The following ADRA1A variants were observed in gnomAD, a reference collection of about 807,000 sequenced individuals.
ADRA1A encodes the protein adrenoceptor alpha 1A, also known as alpha-1A adrenergic receptor.
In ADRA1A, 31 loss-of-function variants were observed where a neutral mutation model predicts 29.6. The ratio of observed to expected loss-of-function variants is 1.05; its 90% CI spans 0.79 to 1.41. ADRA1A has a LOEUF of 1.41. Among genes scored for constraint, ADRA1A ranks in the 40% most tolerant of loss-of-function variants. The probability of loss-of-function intolerance (pLI) is 0.00; values close to 1 mark genes in which losing one functional copy is unlikely to be tolerated. For missense variants in ADRA1A, 619 were observed against 601.1 expected, an observed-to-expected ratio of 1.03 and a Z score of -0.31; for synonymous variants, 311 against 254.3, an observed-to-expected ratio of 1.22 and a Z score of -2.12.
chr8:26,778,821 C>T (rs1806738393), intron 2 of ADRA1A, among the ~76,000 whole-genome samples: 2 of 151,440 alleles, frequency 1.3e-5, no homozygotes, highest in South Asian at 4.2e-4. Context: ...GGAAGGATAG[C>T]ATTAGGAGAT....
rs150410069 is a variant in ADRA1A, at chr8:26,784,522, T to C, written c.884-13856A>G. Among the ~76,000 whole-genome samples the C allele has an allele frequency of 7.1e-4, 108 of 152,188 alleles. 1 individual carries two copies. In the East Asian group the frequency reaches 0.019, roughly 26 times the overall value. On this transcript the variant is annotated intron_variant, in intron 2 of 2. Coordinates refer to ENST00000380573, the MANE Select transcript of ADRA1A (RefSeq NM_000680.4). Reference sequence around the variant, plus strand: ...TTTTACTCAACTGTAGTTATCAATTTCTCTCTCTCTCACTCACAGAAAAAT... The same window carrying C: ...TTTTACTCAACTGTAGTTATCAATTCCTCTCTCTCTCACTCACAGAAAAAT...
At chr8:26,818,216 G>T (rs1809899710) in intron 2 of ADRA1A, among the ~76,000 whole-genome samples, 3 of 152,188 alleles carry the variant, frequency 2.0e-5, no homozygotes, top group African/African-American at 7.2e-5. Context: ...ATTTCTGTGG[G>T]TAATAGAACT....
At chr8:26,839,283 T>TA in intron 2 of ADRA1A, among the ~76,000 whole-genome samples, 1 of 151,700 alleles carries the variant, frequency 6.6e-6, no homozygotes, top group Non-Finnish European at 1.5e-5. Context: ...CTCAGCCTCC[T>TA]AAGTAGCTGG....
chr8:26,836,208 AT>A, intron 2 of ADRA1A: 3 of 246,800 alleles, frequency 1.2e-5, no homozygotes, highest in Non-Finnish European at 8.9e-6. Flanking sequence ...GTAGTTCTTG[AT>A]TTTGGTCTTC....
chr8:26,755,021 ATGC>A (rs1454507628), downstream of ADRA1A, among the ~76,000 whole-genome samples: 10 of 152,228 alleles, frequency 6.6e-5, no homozygotes, highest in Admixed American at 1.3e-4. Flanking sequence ...TTTTAAAAAC[ATGC>A]TGCATAACAT....
chr8:26,765,241 A>G (rs1294971369), downstream of ADRA1A, among the ~76,000 whole-genome samples: 1 of 152,224 alleles, frequency 6.6e-6, no homozygotes, highest in African/African-American at 2.4e-5. Context: ...AATTTCCTGA[A>G]TAGAGCAGAT....
chr8:26,855,613 A>C (rs900827465), intron 2 of ADRA1A, among the ~76,000 whole-genome samples: 12 of 152,190 alleles, frequency 7.9e-5, no homozygotes, highest in Admixed American at 7.9e-4. Flanking sequence ...GAGCATTAGG[A>C]CAAATACCTA....
intron 2 of ADRA1A, among the ~76,000 whole-genome samples, chr8:26,777,496 ACCAACAG>A (rs1806634655): frequency 1.3e-5 from 2 of 152,204 alleles, no homozygotes; most frequent in South Asian, 4.1e-4. Context: ...AATCTAGCTT[ACCAACAG>A]AGCAAGCAGA....
At position 26,825,487 on chromosome 8, in the gene ADRA1A, C is replaced by A. The variant is rs1585772141; in HGVS notation, c.883+38600G>T. On this transcript the variant is annotated intron_variant, in intron 2 of 2. Transcript: ENST00000380573. The surrounding 1 kb of genome is among the most constrained non-coding windows in gnomAD (Gnocchi z 5.7). ...ACCAGGAACACTTTTCACTGGTCAT[C>A]GTGGGGCTTCTCATCCCCTAAAGGC... 6.6e-6 allele frequency among the ~76,000 whole-genome samples: 1 copy of A among 152,096 alleles called. No individual in the cohort carries two copies. Among genetic ancestry groups the A allele is most frequent in the African/African-American group, 2.4e-5 (1 of 41,422 alleles).
At chr8:26,753,288 TACC>T (rs764899452), downstream of ADRA1A, among the ~76,000 whole-genome samples, 39 of 152,248 alleles carry the variant, frequency 2.6e-4, no homozygotes, top group Middle Eastern at 3.4e-3. Context: ...CATCCAACAT[TACC>T]ATGTGCCTGA....
intron 2 of ADRA1A, among the ~76,000 whole-genome samples, chr8:26,849,346 G>A (rs925476990): frequency 5.9e-5 from 9 of 152,204 alleles, no homozygotes; most frequent in South Asian, 2.1e-4. Context: ...ATCCAGGCAG[G>A]ATGGGAAGGA....
At chr8:26,838,108 G>C (rs538014773) in intron 2 of ADRA1A, among the ~76,000 whole-genome samples, 1 of 152,164 alleles carries the variant, frequency 6.6e-6, no homozygotes, top group Admixed American at 6.5e-5. Context: ...ACCAGGACAG[G>C]CGTTTAATGA....
At chr8:26,818,994 G>A (rs1809965417) in intron 2 of ADRA1A, among the ~76,000 whole-genome samples, 1 of 152,092 alleles carries the variant, frequency 6.6e-6, no homozygotes, top group African/African-American at 2.4e-5. Context: ...TTGATGTTCA[G>A]ACTTCCACCA....
intron 2 of ADRA1A, among the ~76,000 whole-genome samples, chr8:26,842,423 C>T (rs984441336): frequency 5.9e-5 from 9 of 152,088 alleles, no homozygotes; most frequent in African/African-American, 1.9e-4. Context: ...ACAACTAATC[C>T]CTACTGCATG....
intron 2 of ADRA1A, among the ~76,000 whole-genome samples, chr8:26,843,739 G>A (rs963377553): frequency 6.6e-6 from 1 of 152,174 alleles, no homozygotes; most frequent in Non-Finnish European, 1.5e-5. Context: ...GAAAAGCTGG[G>A]CATTTTCATC....
At chr8:26,779,990 G>T (rs929411003) in intron 2 of ADRA1A, among the ~76,000 whole-genome samples, 2 of 152,144 alleles carry the variant, frequency 1.3e-5, no homozygotes, top group African/African-American at 2.4e-5. Flanking sequence ...AGGGAGGGGA[G>T]GCTTATCAAG....
intron 2 of ADRA1A, among the ~76,000 whole-genome samples, chr8:26,812,802 T>C (rs574794119): frequency 5.5e-4 from 83 of 151,780 alleles, no homozygotes; most frequent in Non-Finnish European, 5.9e-4. Flanking sequence ...GTAGCTGGGA[T>C]TACAGGCGCC....
chr8:26,830,470 C>T (rs954893563), intron 2 of ADRA1A, among the ~76,000 whole-genome samples: 1 of 152,130 alleles, frequency 6.6e-6, no homozygotes, highest in Non-Finnish European at 1.5e-5. Flanking sequence ...CATGACTGGA[C>T]CACAGGGAAA....
intron 2 of ADRA1A, among the ~76,000 whole-genome samples, chr8:26,757,880 C>T (rs1805280477): frequency 1.9e-5 from 1 of 53,428 alleles, no homozygotes; most frequent in Non-Finnish European, 3.8e-5. Context: ...GGCAGACACT[C>T]ACACCTTTTC....
Sources: allele counts gnomAD v4.1 joint callset (sites outside exome capture counted in the v4.1 genomes callset), GRCh38; gene constraint gnomAD v4.1.1; non-coding constraint Gnocchi (gnomAD v3.1); transcripts MANE v1.5; gene names NCBI Gene and HGNC (gene_info 2026-07-23, HGNC 2026-07-21).